Variants in LRRC4C observed in about 807,000 individuals in gnomAD.
The protein encoded by LRRC4C is leucine rich repeat containing 4C, also known as leucine-rich repeat-containing protein 4C.
Under a neutral mutation model 33.6 loss-of-function variants are expected in LRRC4C, and 5 were observed. The observed-to-expected ratio is 0.15, with a 90% CI of 0.08 to 0.31. The LOEUF (loss-of-function observed/expected upper bound fraction) is 0.31, where lower values mean the gene tolerates loss of function less well. Among genes scored for constraint, LRRC4C ranks in the 10% least tolerant of loss-of-function variants. LRRC4C has a pLI of 1.00. For synonymous variants in LRRC4C, 329 were observed against 302.0 expected (o/e 1.09, Z -0.93); for missense variants, 560 against 796.7 (o/e 0.70, Z 3.58).
intron 1 of LRRC4C, among the ~76,000 whole-genome samples, chr11:41,445,866 A>ATGTGTGTGTGTGTCTGTG (rs536111711): frequency 0.094 from 14,053 of 149,736 alleles, 876 homozygotes; most frequent in Non-Finnish European, 0.13. Context: ...GAGTGACTGC[A>ATGTGTGTGTGTGTCTGTG]TGTGTGTGTG....
intron 3 of LRRC4C, among the ~76,000 whole-genome samples, chr11:40,564,369 C>T (rs188815049): frequency 5.9e-5 from 9 of 152,254 alleles, no homozygotes; most frequent in African/African-American, 1.7e-4. Context: ...AGAAGATGCC[C>T]TAGAAGATTA....
intron 3 of LRRC4C, among the ~76,000 whole-genome samples, chr11:40,587,862 G>A (rs1200067179): frequency 3.3e-5 from 5 of 152,146 alleles, no homozygotes; most frequent in Admixed American, 1.3e-4. Flanking sequence ...TTGATGTGCT[G>A]CTGGATTCGT....
chr11:40,345,228 C>A (rs1384797841), intron 3 of LRRC4C, among the ~76,000 whole-genome samples: 1 of 152,060 alleles, frequency 6.6e-6, no homozygotes, highest in South Asian at 2.1e-4. Flanking sequence ...CAGAAAAGAT[C>A]CCAAATAGCC....
intron 3 of LRRC4C, among the ~76,000 whole-genome samples, chr11:40,636,329 G>A (rs892874705): frequency 3.9e-5 from 6 of 152,150 alleles, no homozygotes; most frequent in Admixed American, 2.0e-4. Context: ...TAAGGAGTAT[G>A]GTTTATGGGT....
chr11:41,141,966 A>G (rs921446329), intron 1 of LRRC4C, among the ~76,000 whole-genome samples: 3 of 152,126 alleles, frequency 2.0e-5, no homozygotes, highest in Non-Finnish European at 2.9e-5. Context: ...TCATCCCATA[A>G]AATGATACAG....
chr11:41,353,866 G>A (rs1220398759), intron 1 of LRRC4C, among the ~76,000 whole-genome samples: 2 of 152,000 alleles, frequency 1.3e-5, no homozygotes, highest in South Asian at 2.1e-4. Context: ...AGGAGTCGAA[G>A]GAATGTACCA....
chr11:40,495,811 ATGTTTTTTTTTTTTTTTTT>A (rs1954407618), intron 3 of LRRC4C, among the ~76,000 whole-genome samples: 1 of 51,920 alleles, frequency 1.9e-5, no homozygotes, highest in African/African-American at 7.1e-5. Flanking sequence ...CTCAATAAAC[ATGTTTTTTTTTTTTTTTTT>A]TTTTTTTTTT....
intron 4 of LRRC4C, among the ~76,000 whole-genome samples, chr11:40,290,017 G>A (rs1944085419): frequency 6.6e-6 from 1 of 152,048 alleles, no homozygotes; most frequent in South Asian, 2.1e-4. Context: ...GAGCAGCACT[G>A]AAGAAATTTT....
At chr11:40,927,911 T>C (rs1302477051) in intron 2 of LRRC4C, among the ~76,000 whole-genome samples, 2 of 152,156 alleles carry the variant, frequency 1.3e-5, no homozygotes. Flanking sequence ...TTTAAAGAGA[T>C]GTTGTGTCAG....
At chr11:40,984,227 GAGGAA>G (rs978381333) in intron 1 of LRRC4C, among the ~76,000 whole-genome samples, 1 of 146,184 alleles carries the variant, frequency 6.8e-6, no homozygotes, top group Admixed American at 7.0e-5. Context: ...AAGGAAGAAA[GAGGAA>G]AGGAAAGGGG....
chr11:40,946,088 G>T (rs1717516367), intron 1 of LRRC4C, among the ~76,000 whole-genome samples: 1 of 151,994 alleles, frequency 6.6e-6, no homozygotes, highest in South Asian at 2.1e-4. Flanking sequence ...TTTCTCTCCT[G>T]CCCTCCTCCC....
chr11:40,282,746 A>T (rs937127997), intron 4 of LRRC4C, among the ~76,000 whole-genome samples: 1 of 152,168 alleles, frequency 6.6e-6, no homozygotes, highest in Non-Finnish European at 1.5e-5. Flanking sequence ...ACTTTCCTTC[A>T]TGTGATCCAG....
chr11:40,567,988 A>C (rs1957832940), intron 3 of LRRC4C, among the ~76,000 whole-genome samples: 1 of 152,342 alleles, frequency 6.6e-6, no homozygotes, highest in East Asian at 1.9e-4. Flanking sequence ...AAGTCAGAAT[A>C]ACCCATTTCT....
chr11:41,200,406 C>G (rs985644146), intron 1 of LRRC4C, among the ~76,000 whole-genome samples: 1 of 152,118 alleles, frequency 6.6e-6, no homozygotes, highest in African/African-American at 2.4e-5. Flanking sequence ...CATTACTGCA[C>G]CTGACTACAA....
chr11:40,352,610 A>G (rs1947463600), intron 3 of LRRC4C, among the ~76,000 whole-genome samples: 1 of 151,948 alleles, frequency 6.6e-6, no homozygotes. Context: ...AGATACGAGT[A>G]GTTTGCACAC....
intron 3 of LRRC4C, among the ~76,000 whole-genome samples, chr11:40,333,737 A>T (rs989581670): frequency 6.6e-6 from 1 of 151,384 alleles, no homozygotes; most frequent in Non-Finnish European, 1.5e-5. Flanking sequence ...AAAAAAAAAA[A>T]AAAAGAATTC....
intron 1 of LRRC4C, among the ~76,000 whole-genome samples, chr11:41,359,863 CTA>C (rs1952289121): frequency 6.6e-6 from 1 of 152,042 alleles, no homozygotes; most frequent in East Asian, 1.9e-4. Context: ...AAGCTTTCAT[CTA>C]TATGTTTTCT....
At chr11:41,257,747 G>A (rs1948847405) in intron 1 of LRRC4C, among the ~76,000 whole-genome samples, 1 of 152,024 alleles carries the variant, frequency 6.6e-6, no homozygotes. Context: ...TTCCAAATGT[G>A]TCTTTCTGTT....
At chr11:41,253,208 T>A (rs189329613) in intron 1 of LRRC4C, among the ~76,000 whole-genome samples, 12 of 152,242 alleles carry the variant, frequency 7.9e-5, no homozygotes, top group African/African-American at 1.2e-4. Context: ...CCTCAGTAAG[T>A]AAAATATCAG....
Sources: allele counts gnomAD v4.1 joint callset (sites outside exome capture counted in the v4.1 genomes callset), GRCh38; gene constraint gnomAD v4.1.1; transcripts MANE v1.5; gene names NCBI Gene and HGNC (gene_info 2026-07-23, HGNC 2026-07-21).